The following SEL1L2 variants were observed in gnomAD, a reference collection of about 807,000 sequenced individuals.
The protein encoded by SEL1L2 is protein sel-1 homolog 2.
In SEL1L2, 89 loss-of-function variants were observed where a neutral mutation model predicts 98.8. The observed-to-expected ratio is 0.90, with a 90% CI of 0.76 to 1.07. The LOEUF (loss-of-function observed/expected upper bound fraction) is 1.07, where lower values mean the gene tolerates loss of function less well. Ranked by LOEUF, SEL1L2 falls within the 50% of genes least tolerant of loss-of-function variation. SEL1L2 has a pLI of 0.00. For missense variants in SEL1L2, 788 were observed against 812.0 expected (o/e 0.97, Z 0.36); for synonymous variants, 262 against 278.5 (o/e 0.94, Z 0.59).
At position 13,956,079 on chromosome 20, in the gene SEL1L2, T is replaced by C. The variant is rs2050522011; in HGVS notation, c.111A>G (p.Thr37=). The part of the protein sequence containing the change: ...NKRQKERNVT[T]QVSVNEIKQY... ...AAAGATTTAGCAAAATATTTACCTG[T>C]GTGGTGACATTTCTTTCCTTTTGTC... The change falls in exon 2 of 20, where the codon ACA becomes ACG. Residue 37 remains threonine (T), a synonymous_variant. Coordinates refer to ENST00000284951, the MANE Select transcript of SEL1L2 (RefSeq NM_025229.2). 1 of 1,557,298 alleles carries C rather than the reference T, an allele frequency of 6.4e-7. No individual in the cohort carries two copies. Among genetic ancestry groups the C allele is most frequent in the South Asian group, 1.2e-5 (1 of 85,012 alleles).
At chr20:13,945,561 G>T (rs987413018) in intron 2 of SEL1L2, among the ~76,000 whole-genome samples, 1 of 151,570 alleles carries the variant, frequency 6.6e-6, no homozygotes, top group Non-Finnish European at 1.5e-5. Flanking sequence ...CCAAAAAATT[G>T]CAGAGGAGGG....
chr20:13,909,883 A>T lies in SEL1L2; in HGVS notation c.549+3899T>A, dbSNP rs138688358. ...TACTCAGGAGGCTGAAAGCAGGAGA[A>T]TCTCTTGAACCTGGGAGGTGGAGGT... On this transcript the variant is annotated intron_variant, in intron 5 of 19. Transcript: ENST00000284951. 4.3e-3 allele frequency among the ~76,000 whole-genome samples: 650 copies of T among 152,162 alleles called. 3 individuals carry two copies. Among genetic ancestry groups the T allele is most frequent in the African/African-American group, 0.015 (609 of 41,516 alleles).
intron 9 of SEL1L2, 42 bp from the exon 10 acceptor site, chr20:13,885,445 A>C (rs775153069): frequency 1.6e-6 from 2 of 1,277,470 alleles, no homozygotes; most frequent in Non-Finnish European, 2.3e-6. Flanking sequence ...CAGCAGTATT[A>C]CTTTAAATAA....
At chr20:13,875,626 G>A (rs2147897464) in intron 12 of SEL1L2, among the ~76,000 whole-genome samples, 1 of 152,278 alleles carries the variant, frequency 6.6e-6, no homozygotes. Flanking sequence ...AGATGAGACT[G>A]GAGAAAACTG....
At chr20:13,990,757 G>A, upstream of SEL1L2, 1 of 513,192 alleles carries the variant, frequency 1.9e-6, no homozygotes, top group South Asian at 2.9e-5. Flanking sequence ...TATTCCTCTG[G>A]CTGAAGATAA....
rs544279901 is a variant in SEL1L2 at position 13,981,882 on chromosome 20, T to C, written c.58+8595A>G. Among the ~76,000 whole-genome samples, 34 of 152,318 alleles carry C rather than the reference T, an allele frequency of 2.2e-4. 1 individual carries two copies. The South Asian group carries it at 6.4e-3, about 29-fold the overall frequency. On this transcript the variant is annotated intron_variant, in intron 1 of 19. Transcript: ENST00000284951. ...GGTAATTTAGAAATTCTCAATTCCA[T>C]AGGTTATTCAAAATAGCACTGGTAG...
rs1223130602 is a variant in SEL1L2 at position 13,902,910 on chromosome 20, G to A, written c.549+10872C>T. ...AGGCGGGCGGATCATGAGGTCAAGA[G>A]ATCGAGACCATCCTGTCCAAAATGG... On this transcript the variant is annotated intron_variant, in intron 5 of 19. Transcript: ENST00000284951. Among the ~76,000 whole-genome samples the A allele has an allele frequency of 2.6e-5, 4 of 152,216 alleles. No individual in the cohort carries two copies. In the East Asian group the frequency reaches 5.8e-4, roughly 22 times the overall value.
chr20:13,977,526 T>C (rs1489096173), intron 1 of SEL1L2, among the ~76,000 whole-genome samples: 1 of 152,156 alleles, frequency 6.6e-6, no homozygotes, highest in Non-Finnish European at 1.5e-5. Flanking sequence ...GGTAGAAGGC[T>C]AACACTGGCA....
chr20:13,889,985 T>C (rs1295289333), intron 5 of SEL1L2, among the ~76,000 whole-genome samples: 1 of 152,164 alleles, frequency 6.6e-6, no homozygotes, highest in Non-Finnish European at 1.5e-5. Context: ...GATTTAATTA[T>C]AAATGATCAA....
intron 1 of SEL1L2, among the ~76,000 whole-genome samples, chr20:13,963,137 C>G (rs1224219781): frequency 6.6e-6 from 1 of 151,530 alleles, no homozygotes; most frequent in African/African-American, 2.4e-5. Context: ...CTTACCAGAT[C>G]TAATTTCTCA....
At chr20:13,888,368 A>C (rs368420735) in intron 6 of SEL1L2, 91 bp downstream of exon 6, 2 of 821,158 alleles carry the variant, frequency 2.4e-6, no homozygotes, top group Admixed American at 5.3e-5. Context: ...ACTACACTAG[A>C]GTGAGCCCCT....
At chr20:13,946,309 A>C (rs994807662) in intron 2 of SEL1L2, among the ~76,000 whole-genome samples, 2 of 152,234 alleles carry the variant, frequency 1.3e-5, no homozygotes, top group Admixed American at 1.3e-4. Flanking sequence ...AGAATACAAA[A>C]TCAATACAAA....
intron 4 of SEL1L2, among the ~76,000 whole-genome samples, chr20:13,917,805 T>C (rs1458215685): frequency 7.8e-6 from 1 of 128,392 alleles, no homozygotes; most frequent in East Asian, 2.2e-4. Flanking sequence ...TTTTTTTTTT[T>C]TTTTTTTTTT....
At chr20:13,955,379 G>A (rs1267666874) in intron 2 of SEL1L2, among the ~76,000 whole-genome samples, 5 of 152,046 alleles carry the variant, frequency 3.3e-5, no homozygotes, top group African/African-American at 7.2e-5. Context: ...GGAGCCCTAT[G>A]GACATCTGGG....
chr20:13,903,337 C>T (rs1048016910), intron 5 of SEL1L2, among the ~76,000 whole-genome samples: 1 of 152,128 alleles, frequency 6.6e-6, no homozygotes, highest in South Asian at 2.1e-4. Context: ...GGTTCCTCCT[C>T]ACTCCTTCTC....
intron 10 of SEL1L2, among the ~76,000 whole-genome samples, chr20:13,883,681 C>G (rs1382507027): frequency 1.3e-5 from 2 of 149,970 alleles, no homozygotes; most frequent in Admixed American, 6.6e-5. Context: ...TGCACTTCAT[C>G]CTCACCTGGA....
At chr20:13,987,311 GTTT>G (rs67919960) in intron 1 of SEL1L2, among the ~76,000 whole-genome samples, 3,514 of 132,158 alleles carry the variant, frequency 0.027, 54 homozygotes, top group Non-Finnish European at 0.04. Context: ...TTAATTTACT[GTTT>G]TTTTTTTTTT....
At chr20:13,947,500 C>G (rs1014558239) in intron 2 of SEL1L2, among the ~76,000 whole-genome samples, 4 of 152,162 alleles carry the variant, frequency 2.6e-5, no homozygotes, top group African/African-American at 9.7e-5. Flanking sequence ...ACCTCTTCAC[C>G]TTGCTCACCC....
intron 3 of SEL1L2, among the ~76,000 whole-genome samples, chr20:13,930,988 T>C (rs1021500044): frequency 1.3e-5 from 2 of 151,654 alleles, no homozygotes; most frequent in African/African-American, 4.8e-5. Flanking sequence ...AAACATTAGT[T>C]GGGCCTGGTG....
Sources: gnomAD v4.1 joint callset for allele counts (sites outside exome capture counted in the v4.1 genomes callset) on GRCh38, gnomAD v4.1.1 for gene constraint, MANE v1.5 for transcripts, NCBI Gene and HGNC (gene_info 2026-07-23, HGNC 2026-07-21) for gene names.